The following SGCD variants were observed in gnomAD, a reference collection of about 807,000 sequenced individuals.
The protein encoded by SGCD is delta-sarcoglycan.
A neutral mutation model predicts 36.6 loss-of-function variants in SGCD; 18 were observed. The ratio of observed to expected loss-of-function variants is 0.49; its 90% CI spans 0.34 to 0.73. SGCD has a LOEUF of 0.73. Ranked by LOEUF, SGCD falls within the 30% of genes least tolerant of loss-of-function variation. The pLI is 0.01. For synonymous variants in SGCD, 133 were observed against 130.6 expected, an observed-to-expected ratio of 1.02 and a Z score of -0.12; for missense variants, 387 against 346.7, an observed-to-expected ratio of 1.12 and a Z score of -0.92.
chr5:156,252,996 A>G (rs1249465868), intron 3 of SGCD, among the ~76,000 whole-genome samples: 2 of 152,124 alleles, frequency 1.3e-5, no homozygotes, highest in Non-Finnish European at 2.9e-5. Flanking sequence ...TTAAAACCTA[A>G]TTTTTCACAT....
the SGCD span, among the ~76,000 whole-genome samples, chr5:155,761,577 G>T: frequency 2.0e-5 from 2 of 98,758 alleles, no homozygotes; most frequent in African/African-American, 7.5e-5. Context: ...CAACTTCTCC[G>T]TCATCCTCTC....
At chr5:155,974,976 C>G (rs893327265) in intron 1 of SGCD, among the ~76,000 whole-genome samples, 31 of 152,152 alleles carry the variant, frequency 2.0e-4, no homozygotes, top group African/African-American at 7.5e-4. Flanking sequence ...AGCATCCATT[C>G]TCTGGGACTG....
intron 3 of SGCD, among the ~76,000 whole-genome samples, chr5:156,229,489 G>C (rs1170176957): frequency 6.6e-6 from 1 of 151,332 alleles, no homozygotes; most frequent in African/African-American, 2.4e-5. Flanking sequence ...ACTGAAGATA[G>C]AGCCCCAATC....
chr5:156,056,656 A>AAAAAAAAAC, intron 1 of SGCD, among the ~76,000 whole-genome samples: 1 of 119,780 alleles, frequency 8.3e-6, no homozygotes, highest in Non-Finnish European at 1.6e-5. Context: ...AAAAAAAAAA[A>AAAAAAAAAC]AAAAAAAAAC....
chr5:156,459,115 T>TA (rs1754376336), intron 3 of SGCD, among the ~76,000 whole-genome samples: 2 of 152,134 alleles, frequency 1.3e-5, no homozygotes, highest in African/African-American at 4.8e-5. Flanking sequence ...GCACCCTGAA[T>TA]AAAGTACTTT....
chr5:156,071,260 G>A (rs1293983444), intron 1 of SGCD, among the ~76,000 whole-genome samples: 1 of 152,088 alleles, frequency 6.6e-6, no homozygotes, highest in Non-Finnish European at 1.5e-5. Flanking sequence ...TTTCTCTTGT[G>A]GGCATTTAGT....
At chr5:155,732,950 A>T in the SGCD span, among the ~76,000 whole-genome samples, 3 of 151,428 alleles carry the variant, frequency 2.0e-5, no homozygotes, top group African/African-American at 7.3e-5. Flanking sequence ...AAGCAGGTCC[A>T]CCTGGAGGCA....
At chr5:156,270,852 ATTG>A (rs1458893726) in intron 3 of SGCD, among the ~76,000 whole-genome samples, 1 of 152,158 alleles carries the variant, frequency 6.6e-6, no homozygotes, top group East Asian at 1.9e-4. Flanking sequence ...CTAGCACTCT[ATTG>A]TTGTTTTTAG....
chr5:155,888,485 G>C (rs1725833079), intron 1 of SGCD, among the ~76,000 whole-genome samples: 1 of 152,194 alleles, frequency 6.6e-6, no homozygotes, highest in African/African-American at 2.4e-5. Context: ...TGTAACATGA[G>C]AGTCTTCATA....
chr5:156,216,048 G>A (rs900869112), intron 3 of SGCD, among the ~76,000 whole-genome samples: 12 of 152,148 alleles, frequency 7.9e-5, no homozygotes, highest in Admixed American at 7.2e-4. Flanking sequence ...TGAACCTGGA[G>A]GACATTATGT....
At chr5:156,670,204 T>C (rs920493851) in intron 7 of SGCD, among the ~76,000 whole-genome samples, 2 of 152,216 alleles carry the variant, frequency 1.3e-5, no homozygotes, top group African/African-American at 2.4e-5. Flanking sequence ...AATTGTGCTT[T>C]TATCCATGTG....
chr5:156,410,963 C>A (rs1772715304), intron 3 of SGCD, among the ~76,000 whole-genome samples: 1 of 151,998 alleles, frequency 6.6e-6, no homozygotes, highest in Non-Finnish European at 1.5e-5. Flanking sequence ...CTGGTCTAGA[C>A]CTTATTATAC....
intron 7 of SGCD, among the ~76,000 whole-genome samples, chr5:156,756,619 G>T (rs190414292): frequency 6.6e-6 from 1 of 152,234 alleles, no homozygotes; most frequent in East Asian, 1.9e-4. Context: ...TATGAATTAG[G>T]CAAAAAGCTT....
chr5:156,285,404 T>C lies in SGCD; in HGVS notation c.-43-44130T>C, dbSNP rs950726659. 2.6e-5 allele frequency among the ~76,000 whole-genome samples: 4 copies of C among 152,112 alleles called. No individual in the cohort carries two copies. In the South Asian group the frequency reaches 6.2e-4, roughly 24 times the overall value. ...CAAAAGAACAAAGCTGGAGGCATCA[T>C]GCTACCTGACTTCAAACAATACTAC... is the stretch of plus-strand genomic sequence containing the variant. On this transcript the variant is annotated intron_variant, in intron 3 of 9. Coordinates refer to the SGCD transcript ENST00000517913.
intron 3 of SGCD, among the ~76,000 whole-genome samples, chr5:156,384,154 G>C (rs1405069420): frequency 6.6e-6 from 1 of 152,192 alleles, no homozygotes; most frequent in African/African-American, 2.4e-5. Context: ...GACAAGAAGA[G>C]GGATGAGGAC....
intron 1 of SGCD, among the ~76,000 whole-genome samples, chr5:156,085,525 C>T (rs1364505822): frequency 5.3e-5 from 8 of 152,262 alleles, no homozygotes; most frequent in Admixed American, 2.6e-4. Flanking sequence ...GATGCCAGTG[C>T]CATGCATGTA....
intron 3 of SGCD, among the ~76,000 whole-genome samples, chr5:156,474,515 G>T (rs907988423): frequency 6.6e-6 from 1 of 152,204 alleles, no homozygotes; most frequent in Non-Finnish European, 1.5e-5. Context: ...AGCAGGGCAG[G>T]GAGCCCTGAA....
chr5:156,567,624 T>A (rs984422686), intron 4 of SGCD, among the ~76,000 whole-genome samples: 3 of 152,144 alleles, frequency 2.0e-5, no homozygotes, highest in Admixed American at 1.3e-4. Flanking sequence ...CTACCCATAT[T>A]ATGGAGAGCA....
chr5:156,755,652 C>A (rs145863874), intron 7 of SGCD, among the ~76,000 whole-genome samples: 1 of 152,274 alleles, frequency 6.6e-6, no homozygotes, highest in East Asian at 1.9e-4. Context: ...ATGGGCAGAA[C>A]TGCACCTGGT....
Sources: allele counts gnomAD v4.1 joint callset (sites outside exome capture counted in the v4.1 genomes callset), GRCh38; gene constraint gnomAD v4.1.1; transcripts MANE v1.5; gene names NCBI Gene and HGNC (gene_info 2026-07-23, HGNC 2026-07-21).